The following RNF152 variants were observed in gnomAD, a reference collection of about 807,000 sequenced individuals.
RNF152 encodes the protein E3 ubiquitin-protein ligase RNF152.
A neutral mutation model predicts 12.7 loss-of-function variants in RNF152; 11 were observed. The observed-to-expected ratio is 0.86, with a 90% CI of 0.54 to 1.43. RNF152 has a LOEUF of 1.43. Among genes scored for constraint, RNF152 ranks in the 40% most tolerant of loss-of-function variants. The pLI, the probability that RNF152 is intolerant of heterozygous loss-of-function variation, is 0.00. For synonymous variants in RNF152, 113 were observed against 120.3 expected (o/e 0.94, Z 0.40); for missense variants, 255 against 274.8 (o/e 0.93, Z 0.51).
upstream of RNF152, chr18:61,893,483 C>T (rs1913056837): frequency 6.6e-6 from 1 of 152,592 alleles, no homozygotes; most frequent in South Asian, 2.1e-4. Flanking sequence ...GCCCCGACCC[C>T]AGGCGGGATT....
chr18:61,879,102 T>A (rs1912341486), intron 1 of RNF152, among the ~76,000 whole-genome samples: 1 of 152,166 alleles, frequency 6.6e-6, no homozygotes, highest in South Asian at 2.1e-4. Flanking sequence ...GCCCTCCATA[T>A]CTGGGTCGCA....
chr18:61,832,984 G>A (rs1031825787), intron 1 of RNF152, among the ~76,000 whole-genome samples: 1 of 152,176 alleles, frequency 6.6e-6, no homozygotes, highest in African/African-American at 2.4e-5. Flanking sequence ...AATTCAAGAT[G>A]TTTGTCAAAG....
chr18:61,822,053 A>G (rs1239740999), intron 1 of RNF152, among the ~76,000 whole-genome samples: 5 of 152,220 alleles, frequency 3.3e-5, no homozygotes, highest in Non-Finnish European at 4.4e-5. Flanking sequence ...ATACTCATTA[A>G]GATTTAAAGG....
chr18:61,862,312 C>T (rs1423535490), intron 1 of RNF152, among the ~76,000 whole-genome samples: 3 of 152,190 alleles, frequency 2.0e-5, no homozygotes, highest in African/African-American at 7.2e-5. Flanking sequence ...CAAAAATTCT[C>T]ATTCCCATTT....
rs188611953 is a variant in RNF152, at chr18:61,865,119, G to A, written c.-136+27676C>T. On this transcript the variant is annotated intron_variant, in intron 1 of 1. Transcript: ENST00000312828. ...TTTTAGGAGCTCAGTACCAGGAAATGGAGGATGAAAACCAAATATATATAT... is the reference window on the plus strand; with the variant it reads ...TTTTAGGAGCTCAGTACCAGGAAATAGAGGATGAAAACCAAATATATATAT... 9.2e-5 allele frequency among the ~76,000 whole-genome samples: 14 copies of A among 152,260 alleles called. No homozygotes were observed. The East Asian group carries it at 2.7e-3, about 29-fold the overall frequency.
intron 1 of RNF152, among the ~76,000 whole-genome samples, chr18:61,886,744 AGCTTG>A (rs1912717998): frequency 6.6e-6 from 1 of 152,240 alleles, no homozygotes; most frequent in Non-Finnish European, 1.5e-5. Context: ...TATGCAAACA[AGCTTG>A]AGTGAATTTC....
At chr18:61,855,836 G>A (rs531292248) in intron 1 of RNF152, among the ~76,000 whole-genome samples, 2 of 152,184 alleles carry the variant, frequency 1.3e-5, no homozygotes, top group African/African-American at 4.8e-5. Flanking sequence ...AGGTGCCATT[G>A]GCCACAGAGG....
At chr18:61,866,914 C>T (rs1201821444) in intron 1 of RNF152, among the ~76,000 whole-genome samples, 1 of 152,194 alleles carries the variant, frequency 6.6e-6, no homozygotes, top group African/African-American at 2.4e-5. Flanking sequence ...AAAAAACAGA[C>T]TTAGGGGCTT....
chr18:61,814,809 A>G lies in RNF152; in HGVS notation c.*1043T>C. ...GCCAGTGCAAGACTCCAAAACCAGG[A>G]GAAAAGACACTCTTCTGTTACTCTC... On this transcript the variant is annotated 3_prime_UTR_variant, in exon 2 of 2. Coordinates refer to ENST00000312828, the MANE Select transcript of RNF152 (RefSeq NM_173557.3). The G allele has an allele frequency of 6.6e-6, 1 of 152,344 alleles. No homozygotes were observed. The highest frequency in any genetic ancestry group is 1.5e-5 in the Non-Finnish European group (1 of 68,038). The allele number at this position is 152,344 out of a possible 1,614,324, so 9.4% of individuals were successfully genotyped here.
chr18:61,877,019 A>G lies in RNF152; in HGVS notation c.-136+15776T>C, dbSNP rs138853604. 4.8e-4 allele frequency among the ~76,000 whole-genome samples: 73 copies of G among 152,278 alleles called. 1 individual carries two copies. Among genetic ancestry groups the G allele is most frequent in the Admixed American group, 1.3e-3 (20 of 15,286 alleles). On this transcript the variant is annotated intron_variant, in intron 1 of 1. Coordinates refer to ENST00000312828, the MANE Select transcript of RNF152 (RefSeq NM_173557.3). ...TTGACTGACAGGTATGGTGAAACTC[A>G]GTTGGGGTGGCTCTTTGTACAAAGG... is the stretch of plus-strand genomic sequence containing the variant.
Position 61,813,947 on chromosome 18 carries a change from A to C in RNF152, c.*1905T>G, listed in dbSNP as rs1908943082. 3 of 152,360 alleles carry C rather than the reference A, an allele frequency of 2.0e-5. No homozygotes were observed. The South Asian group carries it at 6.2e-4, about 32-fold the overall frequency. 9.4% of individuals were successfully genotyped at this position (152,360 alleles called of 1,614,324 possible). On this transcript the variant is annotated 3_prime_UTR_variant, in exon 2 of 2. Transcript: ENST00000312828. ...CAGCTAATATGACACCTAAATTATTAATACCAAATAAATCCTAGATTATTT... is the reference window on the plus strand; with the variant it reads ...CAGCTAATATGACACCTAAATTATTCATACCAAATAAATCCTAGATTATTT...
intron 1 of RNF152, chr18:61,890,552 A>T (rs1386070716): frequency 2.0e-5 from 3 of 152,230 alleles, no homozygotes; most frequent in African/African-American, 7.2e-5. Context: ...AACTGTATTT[A>T]GCTATGGAGA....
chr18:61,809,495 T>C lies in RNF152; in HGVS notation c.*6357A>G, dbSNP rs1413208528. The stretch of plus-strand genomic sequence containing the variant: ...TTGAATTAAAAATGGGCCATCCCTT[T>C]GGAAAACTCCTGTTAGAATAACCCA... On this transcript the variant is annotated 3_prime_UTR_variant, in exon 2 of 2. Coordinates refer to ENST00000312828, the MANE Select transcript of RNF152 (RefSeq NM_173557.3). The C allele has an allele frequency of 1.3e-5, 2 of 152,188 alleles. No homozygotes were observed. The highest frequency in any genetic ancestry group is 2.4e-5 in the African/African-American group (1 of 41,432). The allele number at this position is 152,188 out of a possible 1,614,324, so 9.4% of individuals were successfully genotyped here.
chr18:61,833,050 C>G (rs2074374631), intron 1 of RNF152, among the ~76,000 whole-genome samples: 2 of 152,204 alleles, frequency 1.3e-5, no homozygotes, highest in South Asian at 4.1e-4. Context: ...TAAGGGATGG[C>G]AGCGTGCTTT....
intron 1 of RNF152, among the ~76,000 whole-genome samples, chr18:61,886,148 A>T (rs1372837697): frequency 2.0e-5 from 3 of 151,962 alleles, no homozygotes; most frequent in Non-Finnish European, 4.4e-5. Flanking sequence ...GGTCATTCTA[A>T]TTTGATTCAA....
At chr18:61,884,734 C>A (rs1599327912) in intron 1 of RNF152, among the ~76,000 whole-genome samples, 1 of 152,080 alleles carries the variant, frequency 6.6e-6, no homozygotes, top group Non-Finnish European at 1.5e-5. Flanking sequence ...TAATTTGTAT[C>A]TTTTAGTAGA....
intron 1 of RNF152, chr18:61,874,904 T>C (rs1912148546): frequency 6.6e-6 from 1 of 152,218 alleles, no homozygotes. Context: ...TTAAACACTC[T>C]TTATGCTGAC....
At chr18:61,821,197 T>C (rs935232330) in intron 1 of RNF152, among the ~76,000 whole-genome samples, 27 of 152,352 alleles carry the variant, frequency 1.8e-4, no homozygotes, top group African/African-American at 6.5e-4. Context: ...AAAACCAATA[T>C]GCAATTTTAT....
In RNF152 at chr18:61,810,792, T is replaced by C. The variant is rs147358382; in HGVS notation, c.*5060A>G. The C allele has an allele frequency of 2.6e-3, 394 of 152,364 alleles. 2 individuals carry two copies. Among genetic ancestry groups the C allele is most frequent in the African/African-American group, 9.1e-3 (377 of 41,594 alleles). The allele number at this position is 152,364 out of a possible 1,614,324, so 9.4% of individuals were successfully genotyped here. ...TTATTATTCTCAATAGTTTCTGTTT[T>C]GGTAAGAATTACCTTGTAGGTGACA... On this transcript the variant is annotated 3_prime_UTR_variant, in exon 2 of 2. Transcript: ENST00000312828.
Sources: allele counts gnomAD v4.1 joint callset (sites outside exome capture counted in the v4.1 genomes callset), GRCh38; gene constraint gnomAD v4.1.1; transcripts MANE v1.5; gene names NCBI Gene and HGNC (gene_info 2026-07-23, HGNC 2026-07-21).